Variants in MBTD1 observed in about 807,000 individuals in gnomAD.
MBTD1 encodes mbt domain containing 1.
In MBTD1, 24 loss-of-function variants were observed where a neutral mutation model predicts 87.8. That is an observed-to-expected ratio of 0.27 (90% CI 0.20 to 0.38). The LOEUF is 0.38. MBTD1 is among the 10% of genes least tolerant of loss of function. The probability of loss-of-function intolerance (pLI) is 1.00; values close to 1 mark genes in which losing one functional copy is unlikely to be tolerated. For synonymous variants in MBTD1, 237 were observed against 248.6 expected (o/e 0.95, Z 0.44); for missense variants, 436 against 760.2 (o/e 0.57, Z 5.02).
Position 51,178,842 on chromosome 17 carries a change from G to T in MBTD1, c.*1734C>A, listed in dbSNP as rs1427402606. The T allele has an allele frequency of 6.6e-6, 1 of 152,132 alleles. No homozygotes were observed. Among genetic ancestry groups the T allele is most frequent in the East Asian group, 1.9e-4 (1 of 5,188 alleles). 9.4% of individuals were successfully genotyped at this position (152,132 alleles called of 1,614,324 possible). A position where few individuals can be genotyped will look rare whatever the true frequency, so the allele number is the denominator to read the frequency against. ...CCCTAAAGAGTCAGTATTAAGAAATGGTGACATGCGATTCCATACATTCTT... is the reference window on the plus strand; with the variant it reads ...CCCTAAAGAGTCAGTATTAAGAAATTGTGACATGCGATTCCATACATTCTT... On this transcript the variant is annotated 3_prime_UTR_variant, in exon 17 of 17. Coordinates refer to ENST00000586178, the MANE Select transcript of MBTD1 (RefSeq NM_017643.3).
At chr17:51,197,114 A>T (rs1403490784) in intron 12 of MBTD1, among the ~76,000 whole-genome samples, 1 of 47,662 alleles carries the variant, frequency 2.1e-5, no homozygotes, top group Non-Finnish European at 3.6e-5. Flanking sequence ...ATATATATAT[A>T]TATGGAGGAC....
Position 51,179,621 on chromosome 17 carries a change from G to T in MBTD1, c.*955C>A, listed in dbSNP as rs1177901855. 2.7e-5 allele frequency: 4 copies of T among 147,380 alleles called. No homozygotes were observed. In the South Asian group the frequency reaches 8.6e-4, roughly 32 times the overall value. 9.1% of individuals were successfully genotyped at this position (147,380 alleles called of 1,614,324 possible). The stretch of plus-strand genomic sequence containing the variant: ...ATAAAAGCAGAGCTGGAATGATTTT[G>T]AAATCTAAACTTATTTTGGCTTTGA... On this transcript the variant is annotated 3_prime_UTR_variant, in exon 17 of 17. Coordinates refer to ENST00000586178, the MANE Select transcript of MBTD1 (RefSeq NM_017643.3).
At chr17:51,233,060 CA>C (rs11457634) in intron 2 of MBTD1, among the ~76,000 whole-genome samples, 11,959 of 38,740 alleles carry the variant, frequency 0.31, 167 homozygotes, top group African/African-American at 0.36. Flanking sequence ...CTTCCCTCAC[CA>C]AAAAAAAAAA....
intron 16 of MBTD1, among the ~76,000 whole-genome samples, chr17:51,189,159 T>G (rs766303676): frequency 9.2e-6 from 1 of 109,222 alleles, no homozygotes; most frequent in South Asian, 2.4e-4. Flanking sequence ...AATATTTATA[T>G]ATATATTTGC....
intron 2 of MBTD1, among the ~76,000 whole-genome samples, chr17:51,246,536 GA>G (rs1276325792): frequency 1.3e-5 from 2 of 152,148 alleles, no homozygotes; most frequent in Non-Finnish European, 2.9e-5. Flanking sequence ...CTACCTCGCT[GA>G]ATTGTTTGAA....
intron 7 of MBTD1, among the ~76,000 whole-genome samples, chr17:51,205,690 G>A (rs1476158918): frequency 6.6e-6 from 1 of 152,244 alleles, no homozygotes; most frequent in East Asian, 1.9e-4. Flanking sequence ...CATTTATGCT[G>A]GAGAACTACA....
chr17:51,211,836 A>G (rs936331485), intron 6 of MBTD1, among the ~76,000 whole-genome samples: 2 of 152,178 alleles, frequency 1.3e-5, no homozygotes, highest in Non-Finnish European at 2.9e-5. Flanking sequence ...TAATAAGCAC[A>G]TAACTGAGAA....
intron 2 of MBTD1, 44 bp downstream of exon 2, chr17:51,259,099 C>T (rs934416340): frequency 2.4e-6 from 1 of 416,450 alleles, no homozygotes; most frequent in Non-Finnish European, 4.1e-6. Context: ...CAGTAGTGAG[C>T]TCTCAGTGCT....
chr17:51,180,558 C>T lies in MBTD1; in HGVS notation c.*18G>A. ...TGTGTAAAATCCTTCCCCACCCGCC[C>T]TCAGTTTCTAAGCCACCTCATGGCT... On this transcript the variant is annotated 3_prime_UTR_variant, in exon 17 of 17. Transcript: ENST00000586178. 1 of 1,394,872 alleles carries T rather than the reference C, an allele frequency of 7.2e-7. No individual in the cohort carries two copies. Among genetic ancestry groups the T allele is most frequent in the Non-Finnish European group, 9.9e-7 (1 of 1,006,448 alleles). 86.4% of individuals were successfully genotyped at this position (1,394,872 alleles called of 1,614,324 possible).
chr17:51,179,528 A>G lies in MBTD1; in HGVS notation c.*1048T>C, dbSNP rs1163422008. ...TATATATATATATATATATATATAT[A>G]TATATATATGGAATTTTAAGAAAAT... is the stretch of plus-strand genomic sequence containing the variant. On this transcript the variant is annotated 3_prime_UTR_variant, in exon 17 of 17. Coordinates refer to ENST00000586178, the MANE Select transcript of MBTD1 (RefSeq NM_017643.3). 8.6e-5 allele frequency: 9 copies of G among 105,258 alleles called. 1 individual carries two copies. Among genetic ancestry groups the G allele is most frequent in the African/African-American group, 2.8e-4 (9 of 31,976 alleles). 6.5% of individuals were successfully genotyped at this position (105,258 alleles called of 1,614,324 possible).
At chr17:51,197,018 T>G (rs561958639) in intron 12 of MBTD1, among the ~76,000 whole-genome samples, 2 of 103,972 alleles carry the variant, frequency 1.9e-5, no homozygotes, top group African/African-American at 8.1e-5. Flanking sequence ...GATTTTTGTC[T>G]TTATCTATTA....
At chr17:51,198,831 T>A (rs985584552) in intron 12 of MBTD1, among the ~76,000 whole-genome samples, 1 of 152,082 alleles carries the variant, frequency 6.6e-6, no homozygotes, top group African/African-American at 2.4e-5. Context: ...TGAGATGGAG[T>A]CTCGCTCTAT....
chr17:51,260,468 AGGCTGCGCAGGCTCCTTCCGGCCCCCGG>A, upstream of MBTD1: 1 of 1,122,296 alleles, frequency 8.9e-7, no homozygotes, highest in South Asian at 1.6e-5. Context: ...ACGTGGCAAG[AGGCTGCGCAGGCTCCTTCCGGCCCCCGG>A]GGCTTCGGCG....
intron 2 of MBTD1, among the ~76,000 whole-genome samples, chr17:51,228,382 G>A (rs2053351963): frequency 6.6e-6 from 1 of 150,584 alleles, no homozygotes; most frequent in Non-Finnish European, 1.5e-5. Flanking sequence ...ACTTAAAATA[G>A]AAGTATTAAA....
chr17:51,259,583 G>C (rs2055334340), intron 1 of MBTD1, among the ~76,000 whole-genome samples: 1 of 151,650 alleles, frequency 6.6e-6, no homozygotes. Context: ...CTTTCTTCTC[G>C]AATTTTTCTT....
At chr17:51,203,051 T>G in intron 9 of MBTD1, 89 bp downstream of exon 9, 3 of 1,286,126 alleles carry the variant, frequency 2.3e-6, no homozygotes, top group Non-Finnish European at 3.3e-6. Flanking sequence ...GATCATCTGG[T>G]TCACAAAATT....
In MBTD1 at chr17:51,202,724, A is replaced by G. The variant is rs759327788; in HGVS notation, c.1040T>C (p.Ile347Thr). 1.5e-5 allele frequency: 24 copies of G among 1,613,970 alleles called. No individual in the cohort carries two copies. The highest frequency in any genetic ancestry group is 3.3e-4 in the Middle Eastern group (2 of 6,084). Residue 347 changes from isoleucine (I) to threonine (T), a missense_variant, in exon 10 of 17, where the codon ATA becomes ACA. Physicochemically the swap from Ile to Thr is moderately conservative, Grantham distance 89. Coordinates refer to ENST00000586178, the MANE Select transcript of MBTD1 (RefSeq NM_017643.3). Reference sequence around the variant, plus strand: ...ACCAGATCTTTTGAATCGATGACCTATGCTTCGAGACCAACCAATATGATG... The same window carrying G: ...ACCAGATCTTTTGAATCGATGACCTGTGCTTCGAGACCAACCAATATGATG... ...LIHHIGWSRS[I>T]GHRFKRSDIT...
At chr17:51,184,602 G>C (rs773654226) in intron 16 of MBTD1, 5 of 152,178 alleles carry the variant, frequency 3.3e-5, no homozygotes, top group Non-Finnish European at 5.9e-5. Context: ...TTTCCATCTA[G>C]TTCGTCTACT....
intron 2 of MBTD1, among the ~76,000 whole-genome samples, chr17:51,248,466 C>T (rs190188874): frequency 6.6e-6 from 1 of 152,174 alleles, no homozygotes; most frequent in Non-Finnish European, 1.5e-5. Flanking sequence ...AAAATTAAGG[C>T]ATACTGTTGA....
Sources: gnomAD v4.1 joint callset for allele counts (sites outside exome capture counted in the v4.1 genomes callset) on GRCh38, gnomAD v4.1.1 for gene constraint, MANE v1.5 for transcripts, NCBI Gene and HGNC (gene_info 2026-07-23, HGNC 2026-07-21) for gene names.